SPMAP2L: variants seen among roughly 807,000 people sequenced by gnomAD.
SPMAP2L encodes the protein sperm microtubule associated protein 2-like.
chr4:56,563,357 G>C, the SPMAP2L span, among the ~76,000 whole-genome samples: 12 of 151,550 alleles, frequency 7.9e-5, no homozygotes, highest in Admixed American at 4.0e-4. Context: ...GCCTGCCTCG[G>C]CCTCCCAAAG....
the SPMAP2L span, among the ~76,000 whole-genome samples, chr4:56,567,492 G>A: frequency 4.9e-5 from 6 of 123,678 alleles, no homozygotes; most frequent in Admixed American, 4.1e-4. Flanking sequence ...GTTTCACCAC[G>A]TTGGCCAGGC....
chr4:56,536,596 CT>C, the SPMAP2L span, among the ~76,000 whole-genome samples: 2 of 152,200 alleles, frequency 1.3e-5, no homozygotes, highest in African/African-American at 4.8e-5. Context: ...AATGAAAGAT[CT>C]CTTCATTTGA....
the SPMAP2L span, among the ~76,000 whole-genome samples, chr4:56,609,961 C>T: frequency 1.3e-5 from 2 of 152,126 alleles, no homozygotes; most frequent in East Asian, 3.9e-4. Context: ...GAGAGTCAAA[C>T]AAATGGAAAC....
the SPMAP2L span, chr4:56,596,764 G>C: frequency 2.0e-6 from 2 of 1,014,288 alleles, no homozygotes; most frequent in East Asian, 3.1e-5. Flanking sequence ...GGCAGGAAGA[G>C]AGACTAGCTA....
chr4:56,593,264 C>G, the SPMAP2L span: 3 of 1,226,168 alleles, frequency 2.4e-6, no homozygotes, highest in African/African-American at 4.5e-5. Context: ...GGGACTGCGG[C>G]TGCAGAGGCG....
the SPMAP2L span, among the ~76,000 whole-genome samples, chr4:56,576,240 G>A: frequency 6.6e-6 from 1 of 152,274 alleles, no homozygotes; most frequent in African/African-American, 2.4e-5. Flanking sequence ...CTATTCAGAA[G>A]GTGGGAAATG....
the SPMAP2L span, among the ~76,000 whole-genome samples, chr4:56,545,116 A>G: frequency 5.3e-5 from 8 of 152,232 alleles, no homozygotes; most frequent in Non-Finnish European, 1.2e-4. Context: ...ACAAGAAAGA[A>G]ATACATGGTG....
At chr4:56,563,241 T>A in the SPMAP2L span, among the ~76,000 whole-genome samples, 1 of 150,176 alleles carries the variant, frequency 6.7e-6, no homozygotes, top group East Asian at 2.0e-4. Context: ...TACAGGCACA[T>A]GTCACCATAC....
the SPMAP2L span, among the ~76,000 whole-genome samples, chr4:56,545,737 A>AG: frequency 1.3e-5 from 2 of 150,810 alleles, no homozygotes; most frequent in South Asian, 4.2e-4. Context: ...AAAAAAAAAA[A>AG]GCAGTTGGAA....
At chr4:56,569,204 T>C in the SPMAP2L span, among the ~76,000 whole-genome samples, 2 of 152,196 alleles carry the variant, frequency 1.3e-5, no homozygotes, top group African/African-American at 2.4e-5. Context: ...GATAACCCTA[T>C]ATTTAACTTT....
the SPMAP2L span, among the ~76,000 whole-genome samples, chr4:56,567,124 A>G: frequency 1.3e-5 from 2 of 152,134 alleles, no homozygotes; most frequent in African/African-American, 4.8e-5. Context: ...CAAATCTTTT[A>G]AGGAGATTTT....
the SPMAP2L span, among the ~76,000 whole-genome samples, chr4:56,577,662 T>A: frequency 6.6e-6 from 1 of 152,186 alleles, no homozygotes; most frequent in Non-Finnish European, 1.5e-5. Context: ...AGCAAAGTTA[T>A]CCTTCGTAAC....
chr4:56,604,741 T>C, the SPMAP2L span, among the ~76,000 whole-genome samples: 1 of 151,976 alleles, frequency 6.6e-6, no homozygotes, highest in African/African-American at 2.4e-5. Context: ...TGCAAAAATA[T>C]GGAACCAACC....
At chr4:56,571,161 TATA>T in the SPMAP2L span, among the ~76,000 whole-genome samples, 2 of 151,938 alleles carry the variant, frequency 1.3e-5, no homozygotes, top group Admixed American at 6.6e-5. Flanking sequence ...TTGACTATTT[TATA>T]ATAACACTTA....
the SPMAP2L span, among the ~76,000 whole-genome samples, chr4:56,623,021 G>A: frequency 3.9e-5 from 6 of 152,228 alleles, no homozygotes; most frequent in East Asian, 7.7e-4. Flanking sequence ...TGGTCCACAC[G>A]GGTTACTGCT....
chr4:56,541,060 A>T, the SPMAP2L span, among the ~76,000 whole-genome samples: 4 of 152,232 alleles, frequency 2.6e-5, no homozygotes, highest in Admixed American at 2.6e-4. Flanking sequence ...GTTACGTCAT[A>T]GCTGTGTGTC....
chr4:56,558,314 C>T, the SPMAP2L span, among the ~76,000 whole-genome samples: 2 of 152,094 alleles, frequency 1.3e-5, no homozygotes, highest in African/African-American at 4.8e-5. Flanking sequence ...TTTCTCACCC[C>T]ACTGGTCTTT....
the SPMAP2L span, among the ~76,000 whole-genome samples, chr4:56,614,647 C>T: frequency 2.0e-5 from 3 of 151,500 alleles, no homozygotes; most frequent in African/African-American, 4.9e-5. Context: ...GAGCGAGATC[C>T]GTCTAAAAAA....
chr4:56,552,441 A>T, the SPMAP2L span: 4 of 661,978 alleles, frequency 6.0e-6, no homozygotes, highest in Non-Finnish European at 1.1e-5. Flanking sequence ...CATCAAATAC[A>T]GCATTGGTTT....
Sources: gnomAD v4.1 joint callset for allele counts (sites outside exome capture counted in the v4.1 genomes callset) on GRCh38, gnomAD v4.1.1 for gene constraint, MANE v1.5 for transcripts, NCBI Gene and HGNC (gene_info 2026-07-23, HGNC 2026-07-21) for gene names.